PTPRD: variants seen among roughly 807,000 people sequenced by gnomAD.
PTPRD encodes the protein protein tyrosine phosphatase receptor type D, also known as receptor-type tyrosine-protein phosphatase delta.
In PTPRD, 34 loss-of-function variants were observed where a neutral mutation model predicts 214.5. The observed-to-expected ratio is 0.16, with a 90% CI of 0.12 to 0.21. The LOEUF (loss-of-function observed/expected upper bound fraction) is 0.21, where lower values mean the gene tolerates loss of function less well. Among genes scored for constraint, PTPRD ranks in the 10% least tolerant of loss-of-function variants. PTPRD has a pLI of 1.00. For synonymous variants in PTPRD, 1,128 were observed against 845.7 expected, an observed-to-expected ratio of 1.33 and a Z score of -5.79; for missense variants, 2,545 against 2,398.7, an observed-to-expected ratio of 1.06 and a Z score of -1.27.
At chr9:9,245,786 A>G (rs1302413703) in intron 9 of PTPRD, among the ~76,000 whole-genome samples, 3 of 152,144 alleles carry the variant, frequency 2.0e-5, no homozygotes, top group Non-Finnish European at 4.4e-5. Flanking sequence ...AAATAAATAT[A>G]TACAATGTCC....
chr9:9,619,744 G>A lies in PTPRD; in HGVS notation c.-286-44963C>T, dbSNP rs535204037. ...ATAATCGTGTATTTAATTTTCTATA[G>A]ATGTAATATTTATATATAATCTATA... On this transcript the variant is annotated intron_variant, in intron 7 of 45. Transcript: ENST00000381196. 2.7e-3 allele frequency among the ~76,000 whole-genome samples: 389 copies of A among 143,690 alleles called. 2 individuals carry two copies. The highest frequency in any genetic ancestry group is 8.3e-3 in the Middle Eastern group (2 of 242). 94.3% of individuals were successfully genotyped at this position (143,690 alleles called of 152,430 possible).
At chr9:9,356,962 T>A (rs531730258) in intron 9 of PTPRD, among the ~76,000 whole-genome samples, 2 of 151,350 alleles carry the variant, frequency 1.3e-5, no homozygotes, top group African/African-American at 4.8e-5. Flanking sequence ...ATCTGTAAAA[T>A]AAGGTCAAGC....
At chr9:10,321,722 T>G (rs2096556335) in intron 3 of PTPRD, among the ~76,000 whole-genome samples, 1 of 152,036 alleles carries the variant, frequency 6.6e-6, no homozygotes, top group South Asian at 2.1e-4. Context: ...GTAGGTCACA[T>G]TTATGTTTGA....
At chr9:9,093,802 C>T (rs1039067181) in intron 10 of PTPRD, among the ~76,000 whole-genome samples, 1 of 150,572 alleles carries the variant, frequency 6.6e-6, no homozygotes, top group Non-Finnish European at 1.5e-5. Context: ...GAAGAGCAAG[C>T]AGAAGGAAGA....
chr9:9,950,621 G>C (rs1325556776), intron 4 of PTPRD, among the ~76,000 whole-genome samples: 1 of 78,526 alleles, frequency 1.3e-5, no homozygotes, highest in Non-Finnish European at 2.0e-5. Flanking sequence ...CTACTTGGGA[G>C]GCTGAGGCAG....
intron 14 of PTPRD, among the ~76,000 whole-genome samples, chr9:8,622,904 C>T (rs555868139): frequency 4.0e-5 from 6 of 151,630 alleles, no homozygotes; most frequent in Non-Finnish European, 5.9e-5. Flanking sequence ...TTTGGGAAAA[C>T]GAGGTGGGAG....
intron 5 of PTPRD, among the ~76,000 whole-genome samples, chr9:9,817,388 C>G (rs892320541): frequency 3.9e-5 from 6 of 152,050 alleles, no homozygotes; most frequent in African/African-American, 1.2e-4. Context: ...GGATGACTTT[C>G]AACACGAAAA....
At chr9:10,082,688 T>C (rs1454251660) in intron 3 of PTPRD, among the ~76,000 whole-genome samples, 3 of 151,688 alleles carry the variant, frequency 2.0e-5, no homozygotes. Context: ...ATACATGAAC[T>C]TAAGAACAGC....
chr9:8,499,949 C>A (rs1177791433), intron 24 of PTPRD, 109 bp from the exon 25 acceptor site: 55 of 852,298 alleles, frequency 6.5e-5, no homozygotes, highest in Non-Finnish European at 8.3e-5. Context: ...ATGGGTAAAC[C>A]CACTATGTTT....
intron 9 of PTPRD, among the ~76,000 whole-genome samples, chr9:9,294,178 T>C (rs1363926918): frequency 6.6e-6 from 1 of 151,634 alleles, no homozygotes; most frequent in Non-Finnish European, 1.5e-5. Flanking sequence ...ACTAAGAATG[T>C]TGTGAAATGT....
chr9:10,469,838 C>T (rs1387783149), intron 2 of PTPRD, among the ~76,000 whole-genome samples: 3 of 151,816 alleles, frequency 2.0e-5, no homozygotes, highest in African/African-American at 7.3e-5. Context: ...AAACTAAAAT[C>T]CTGACATTTG....
chr9:9,186,966 A>G (rs1233933691), intron 9 of PTPRD, among the ~76,000 whole-genome samples: 1 of 151,842 alleles, frequency 6.6e-6, no homozygotes, highest in African/African-American at 2.4e-5. Context: ...TGAAATTTCC[A>G]AATTTTAATA....
At chr9:9,277,486 AAC>A (rs774011221) in intron 9 of PTPRD, among the ~76,000 whole-genome samples, 1 of 151,414 alleles carries the variant, frequency 6.6e-6, no homozygotes, top group Admixed American at 6.6e-5. Flanking sequence ...AAAGTCTGTT[AAC>A]ACAGACTCAT....
intron 9 of PTPRD, among the ~76,000 whole-genome samples, chr9:9,256,305 A>AAT: frequency 6.6e-6 from 1 of 152,058 alleles, no homozygotes; most frequent in Non-Finnish European, 1.5e-5. Flanking sequence ...GAACTCTGAA[A>AAT]ATATATACAA....
At chr9:10,503,791 C>T (rs1202291885) in intron 2 of PTPRD, among the ~76,000 whole-genome samples, 1 of 151,556 alleles carries the variant, frequency 6.6e-6, no homozygotes, top group Non-Finnish European at 1.5e-5. Context: ...CAATAGATGT[C>T]CAGGGTAAGG....
In PTPRD at chr9:9,461,376, AT is replaced by A. The variant is rs1313728624; in HGVS notation, c.-236-63895del. On this transcript the variant is annotated intron_variant, in intron 8 of 45. Transcript: ENST00000381196. ...AATTTTACATAGAGAAGTTGTCTGT[AT>A]TTTTTATTACCAAAATATGACTTTT... 2.0e-5 allele frequency among the ~76,000 whole-genome samples: 3 copies of A among 152,086 alleles called. No individual in the cohort carries two copies. In the East Asian group the frequency reaches 5.8e-4, roughly 29 times the overall value.
In PTPRD at chr9:9,039,846, C is replaced by G. The variant is rs542037142; in HGVS notation, c.-142-21111G>C. ...AGTGATGGTAGACCTTCTGTGTAGA[C>G]TAACAATTACAATATCTGAGCTCAA... On this transcript the variant is annotated intron_variant, in intron 10 of 45. Transcript: ENST00000381196. Among the ~76,000 whole-genome samples the G allele has an allele frequency of 3.3e-5, 5 of 152,224 alleles. No homozygotes were observed. The East Asian group carries it at 9.7e-4, about 29-fold the overall frequency.
intron 6 of PTPRD, among the ~76,000 whole-genome samples, chr9:9,741,652 G>T (rs940749854): frequency 6.6e-6 from 1 of 152,128 alleles, no homozygotes; most frequent in Non-Finnish European, 1.5e-5. Flanking sequence ...TCGCCTCCCT[G>T]CGTTGGTGTA....
intron 20 of PTPRD, among the ~76,000 whole-genome samples, chr9:8,519,889 G>A (rs2097855953): frequency 6.6e-6 from 1 of 152,036 alleles, no homozygotes; most frequent in Non-Finnish European, 1.5e-5. Context: ...AATTCTTAAA[G>A]GTCTTCAGCA....
Sources: allele counts gnomAD v4.1 joint callset (sites outside exome capture counted in the v4.1 genomes callset), GRCh38; gene constraint gnomAD v4.1.1; transcripts MANE v1.5; gene names NCBI Gene and HGNC (gene_info 2026-07-23, HGNC 2026-07-21).